The following DAB1 variants were observed in gnomAD, a reference collection of about 807,000 sequenced individuals.
DAB1 encodes the protein DAB adaptor protein 1.
DAB1 carries 15 observed loss-of-function variants against 64.6 expected under a neutral mutation model. That is an observed-to-expected ratio of 0.23 (90% CI 0.16 to 0.36). The LOEUF is 0.36. DAB1 is among the 10% of genes least tolerant of loss of function. DAB1 has a pLI of 1.00. For synonymous variants in DAB1, 235 were observed against 251.9 expected, an observed-to-expected ratio of 0.93 and a Z score of 0.64; for missense variants, 596 against 706.7, an observed-to-expected ratio of 0.84 and a Z score of 1.78.
At chr1:58,503,106 G>A (rs1400738818) in intron 3 of DAB1, among the ~76,000 whole-genome samples, 1 of 152,088 alleles carries the variant, frequency 6.6e-6, no homozygotes, top group Non-Finnish European at 1.5e-5. Context: ...CAGAATTTAG[G>A]AGTCTTCACA....
At chr1:58,480,944 T>C (rs1222265337) in intron 3 of DAB1, 2 of 852,744 alleles carry the variant, frequency 2.3e-6, no homozygotes, top group Non-Finnish European at 4.1e-6. Flanking sequence ...TTCATATATC[T>C]TGTGTCTCAT....
At chr1:57,059,875 T>A (rs1650203999) in intron 9 of DAB1, among the ~76,000 whole-genome samples, 1 of 152,072 alleles carries the variant, frequency 6.6e-6, no homozygotes, top group Non-Finnish European at 1.5e-5. Context: ...ACTTCTTACC[T>A]CTCTTAGGCT....
chr1:58,351,708 G>A (rs558570154), intron 3 of DAB1, among the ~76,000 whole-genome samples: 1 of 151,496 alleles, frequency 6.6e-6, no homozygotes, highest in South Asian at 2.1e-4. Context: ...CCTTGGGGCA[G>A]TAACATCACT....
chr1:57,346,464 G>A (rs934887464), intron 1 of DAB1, among the ~76,000 whole-genome samples: 3 of 152,054 alleles, frequency 2.0e-5, no homozygotes, highest in African/African-American at 7.2e-5. Flanking sequence ...CTGGCCACCC[G>A]CTATAAAATG....
At chr1:57,136,781 A>G (rs1013161807) in intron 3 of DAB1, 140 bp from the exon 4 acceptor site, 24 of 446,080 alleles carry the variant, frequency 5.4e-5, no homozygotes, top group African/African-American at 2.0e-5. Flanking sequence ...ATATTTCTCT[A>G]CTCAATGCGG....
chr1:57,411,430 C>A (rs983175300), intron 1 of DAB1, among the ~76,000 whole-genome samples: 3 of 152,222 alleles, frequency 2.0e-5, no homozygotes, highest in African/African-American at 7.2e-5. Flanking sequence ...ACTGGGCTAC[C>A]AGCCAAAATT....
At chr1:57,030,145 T>C (rs886879549) in intron 9 of DAB1, among the ~76,000 whole-genome samples, 23 of 152,322 alleles carry the variant, frequency 1.5e-4, no homozygotes, top group East Asian at 1.2e-3. Context: ...ATTCTCATGA[T>C]AGTGAATAAG....
chr1:58,017,379 C>T (rs1557611250), intron 5 of DAB1, among the ~76,000 whole-genome samples: 1 of 152,106 alleles, frequency 6.6e-6, no homozygotes, highest in Non-Finnish European at 1.5e-5. Flanking sequence ...TCACAGAGAA[C>T]AAGAAAAATC....
At chr1:57,003,941 G>A (rs889181112) in intron 14 of DAB1, among the ~76,000 whole-genome samples, 8 of 152,076 alleles carry the variant, frequency 5.3e-5, no homozygotes, top group African/African-American at 1.7e-4. Context: ...GCTCTGATCT[G>A]CTTTTGATTG....
chr1:58,235,374 A>C (rs554928413), intron 4 of DAB1, among the ~76,000 whole-genome samples: 1 of 152,302 alleles, frequency 6.6e-6, no homozygotes, highest in African/African-American at 2.4e-5. Flanking sequence ...AAAACAACCT[A>C]TTTTGAGGCT....
At chr1:57,966,699 T>G (rs1480558692) in intron 5 of DAB1, among the ~76,000 whole-genome samples, 2 of 152,340 alleles carry the variant, frequency 1.3e-5, no homozygotes, top group Non-Finnish European at 1.5e-5. Flanking sequence ...TTTTTTTTGA[T>G]AATCTAAAAT....
At chr1:57,269,268 G>A (rs1156933536) in intron 2 of DAB1, among the ~76,000 whole-genome samples, 1 of 152,108 alleles carries the variant, frequency 6.6e-6, no homozygotes, top group Non-Finnish European at 1.5e-5. Context: ...TATACAGAAA[G>A]CCTTGCCATG....
At chr1:58,466,791 G>A (rs762652420) in intron 3 of DAB1, among the ~76,000 whole-genome samples, 13 of 152,128 alleles carry the variant, frequency 8.5e-5, no homozygotes, top group Non-Finnish European at 1.5e-4. Flanking sequence ...GTTGAACAGC[G>A]CCTGTCCCAT....
At position 57,243,660 on chromosome 1, in the gene DAB1, T is replaced by C. The variant is rs137985687; in HGVS notation, c.67+47304A>G. Among the ~76,000 whole-genome samples, 491 of 152,312 alleles carry C rather than the reference T, an allele frequency of 3.2e-3. 3 individuals carry two copies. The highest frequency in any genetic ancestry group is 0.011 in the African/African-American group (472 of 41,558). The stretch of plus-strand genomic sequence containing the variant: ...GCCTGCTAGGCCAGGAAGGTTTCAA[T>C]GCACTGGAAGTTTATTCCTTAATCA... On this transcript the variant is annotated intron_variant, in intron 2 of 14. Transcript: ENST00000371236.
chr1:58,474,755 T>C (rs1002810420), intron 3 of DAB1, among the ~76,000 whole-genome samples: 3 of 152,222 alleles, frequency 2.0e-5, no homozygotes, highest in African/African-American at 7.2e-5. Flanking sequence ...CCCTGCCAAT[T>C]GTTCTCACTT....
chr1:57,294,791 A>G (rs1485379776), intron 1 of DAB1, among the ~76,000 whole-genome samples: 1 of 152,218 alleles, frequency 6.6e-6, no homozygotes, highest in Non-Finnish European at 1.5e-5. Flanking sequence ...GCACAAGGCA[A>G]GTTACAAGAC....
intron 6 of DAB1, among the ~76,000 whole-genome samples, chr1:57,665,387 T>A (rs1646434531): frequency 6.6e-6 from 1 of 152,140 alleles, no homozygotes; most frequent in Non-Finnish European, 1.5e-5. Context: ...TTTGCTACAT[T>A]ATAGGTAGAA....
intron 7 of DAB1, among the ~76,000 whole-genome samples, chr1:57,470,609 G>T (rs1687103177): frequency 6.6e-6 from 1 of 152,178 alleles, no homozygotes; most frequent in Non-Finnish European, 1.5e-5. Flanking sequence ...GTCTTGTCAT[G>T]TAGGAGGATA....
Position 58,173,475 on chromosome 1 carries a change from G to A in DAB1, n.310-22887C>T, listed in dbSNP as rs147249613. 3.7e-3 allele frequency among the ~76,000 whole-genome samples: 566 copies of A among 152,072 alleles called. 4 individuals are homozygous for A. Among genetic ancestry groups the A allele is most frequent in the African/African-American group, 0.013 (528 of 41,478 alleles). ...TTCACCCCGAACCCCCTGCAGCAGC[G>A]ACCCCACCACTAGTGAATGCCTTCT... On this transcript the variant is annotated intron_variant and non_coding_transcript_variant, in intron 4 of 20. Transcript: ENST00000485760.
Sources: allele counts gnomAD v4.1 joint callset (sites outside exome capture counted in the v4.1 genomes callset), GRCh38; gene constraint gnomAD v4.1.1; transcripts MANE v1.5; gene names NCBI Gene and HGNC (gene_info 2026-07-23, HGNC 2026-07-21).